The following SGCD variants were observed in gnomAD, a reference collection of about 807,000 sequenced individuals.
SGCD encodes the protein sarcoglycan delta, also known as delta-sarcoglycan.
Under a neutral mutation model 36.6 loss-of-function variants are expected in SGCD, and 18 were observed. The observed-to-expected ratio is 0.49, with a 90% CI of 0.34 to 0.73. The LOEUF is 0.73. SGCD is among the 30% of genes least tolerant of loss of function. SGCD has a pLI of 0.01. For synonymous variants in SGCD, 133 were observed against 130.6 expected (o/e 1.02, Z -0.12); for missense variants, 387 against 346.7 (o/e 1.12, Z -0.92).
chr5:156,442,694 C>G (rs1753550279), intron 3 of SGCD, among the ~76,000 whole-genome samples: 2 of 152,120 alleles, frequency 1.3e-5, no homozygotes, highest in Admixed American at 1.3e-4. Context: ...GATAAAAGCC[C>G]TTTGTCTTCT....
chr5:155,728,758 G>A, the SGCD span, among the ~76,000 whole-genome samples: 2 of 152,046 alleles, frequency 1.3e-5, no homozygotes, highest in Non-Finnish European at 2.9e-5. Context: ...TTCCCTGTGA[G>A]CCCCTCTCCC....
intron 3 of SGCD, among the ~76,000 whole-genome samples, chr5:156,423,974 G>A (rs1287217765): frequency 1.3e-5 from 2 of 151,810 alleles, no homozygotes; most frequent in Non-Finnish European, 2.9e-5. Context: ...TGATTTTTTT[G>A]GATCCCAGGG....
At chr5:155,771,233 G>T in the SGCD span, among the ~76,000 whole-genome samples, 5 of 151,438 alleles carry the variant, frequency 3.3e-5, no homozygotes, top group African/African-American at 1.2e-4. Flanking sequence ...ATTTTGCTGG[G>T]GTATTTCTCT....
chr5:156,325,300 C>T (rs1767777914), upstream of SGCD, among the ~76,000 whole-genome samples: 1 of 151,514 alleles, frequency 6.6e-6, no homozygotes, highest in Admixed American at 6.6e-5. Context: ...TTCTAGAACT[C>T]ACACTAGATG....
chr5:156,630,111 C>T (rs776847420), intron 6 of SGCD, among the ~76,000 whole-genome samples: 2 of 152,114 alleles, frequency 1.3e-5, no homozygotes, highest in South Asian at 2.1e-4. Flanking sequence ...GATCCACCCG[C>T]CTCAGCCTCC....
intron 2 of SGCD, among the ~76,000 whole-genome samples, chr5:156,122,351 A>T (rs1354362248): frequency 6.6e-6 from 1 of 152,188 alleles, no homozygotes; most frequent in East Asian, 1.9e-4. Context: ...GATAATAAAC[A>T]GGTAGACATG....
chr5:156,633,179 G>A (rs929635213), intron 6 of SGCD, among the ~76,000 whole-genome samples: 1 of 152,160 alleles, frequency 6.6e-6, no homozygotes, highest in Non-Finnish European at 1.5e-5. Context: ...GTGAAGTCAG[G>A]GACTAGGATT....
intron 3 of SGCD, among the ~76,000 whole-genome samples, chr5:156,363,156 A>G (rs1236446603): frequency 6.6e-6 from 1 of 152,178 alleles, no homozygotes; most frequent in African/African-American, 2.4e-5. Context: ...TATGAAGTTT[A>G]TACAAGCATA....
intron 3 of SGCD, among the ~76,000 whole-genome samples, chr5:156,428,854 A>G (rs1437990543): frequency 6.6e-6 from 1 of 151,960 alleles, no homozygotes; most frequent in Non-Finnish European, 1.5e-5. Flanking sequence ...TGTGGGTTCT[A>G]TTTGTGGGTG....
chr5:156,495,465 A>G (rs1417772171), intron 3 of SGCD, among the ~76,000 whole-genome samples: 3 of 152,198 alleles, frequency 2.0e-5, no homozygotes. Context: ...GAAATCTCAT[A>G]AAAGACACTG....
At chr5:156,533,729 A>G (rs1298684327) in intron 4 of SGCD, among the ~76,000 whole-genome samples, 1 of 152,218 alleles carries the variant, frequency 6.6e-6, no homozygotes, top group African/African-American at 2.4e-5. Context: ...ATATATAAGG[A>G]TGCCTTAGGG....
chr5:156,631,923 T>A (rs1375006575), intron 6 of SGCD, among the ~76,000 whole-genome samples: 5 of 152,174 alleles, frequency 3.3e-5, no homozygotes, highest in Non-Finnish European at 5.9e-5. Context: ...CTCTACCCTG[T>A]GAGAAAAATA....
chr5:156,035,557 C>G (rs920197280), intron 1 of SGCD, among the ~76,000 whole-genome samples: 4 of 152,040 alleles, frequency 2.6e-5, no homozygotes, highest in African/African-American at 7.3e-5. Flanking sequence ...CTACAGTGAG[C>G]CATGATTGTG....
the SGCD span, among the ~76,000 whole-genome samples, chr5:155,796,834 C>T: frequency 3.9e-5 from 4 of 103,376 alleles, no homozygotes; most frequent in South Asian, 3.6e-4. Flanking sequence ...AAAAAAAAAT[C>T]AATGATTCAA....
chr5:156,397,920 G>A (rs909350063), intron 3 of SGCD, among the ~76,000 whole-genome samples: 1 of 152,132 alleles, frequency 6.6e-6, no homozygotes, highest in Non-Finnish European at 1.5e-5. Context: ...AAACGGGTTT[G>A]AATCTGTCCT....
intron 1 of SGCD, among the ~76,000 whole-genome samples, chr5:155,968,798 C>T (rs1020770726): frequency 1.3e-5 from 2 of 152,064 alleles, no homozygotes; most frequent in Non-Finnish European, 2.9e-5. Flanking sequence ...AATGTAGTCC[C>T]TGCTCTATAA....
At chr5:156,154,130 A>G (rs1762892875) in intron 3 of SGCD, among the ~76,000 whole-genome samples, 1 of 151,570 alleles carries the variant, frequency 6.6e-6, no homozygotes, top group African/African-American at 2.4e-5. Flanking sequence ...TGGAATCCTC[A>G]CTTCATGGGT....
intron 3 of SGCD, among the ~76,000 whole-genome samples, chr5:156,489,713 C>A (rs1490679483): frequency 6.6e-6 from 1 of 151,850 alleles, no homozygotes; most frequent in Non-Finnish European, 1.5e-5. Flanking sequence ...CTATGCGATA[C>A]AGGAAAAGCA....
At chr5:156,481,271 T>C (rs1010185795) in intron 3 of SGCD, among the ~76,000 whole-genome samples, 15 of 151,808 alleles carry the variant, frequency 9.9e-5, no homozygotes, top group African/African-American at 3.4e-4. Context: ...CTGGGGAAAG[T>C]TGGGGGATGG....
Sources: allele counts gnomAD v4.1 joint callset (sites outside exome capture counted in the v4.1 genomes callset), GRCh38; gene constraint gnomAD v4.1.1; transcripts MANE v1.5; gene names NCBI Gene and HGNC (gene_info 2026-07-23, HGNC 2026-07-21).